The following NRG3 variants were observed in gnomAD, a reference collection of about 807,000 sequenced individuals.
NRG3 encodes neuregulin 3, also known as pro-neuregulin-3, membrane-bound isoform.
Under a neutral mutation model 66.9 loss-of-function variants are expected in NRG3, and 31 were observed. That is an observed-to-expected ratio of 0.46 (90% confidence interval 0.35 to 0.63). The LOEUF is 0.63. Ranked by LOEUF, NRG3 falls within the 20% of genes least tolerant of loss-of-function variation. The pLI is 0.00. For synonymous variants in NRG3, 393 were observed against 359.4 expected, an observed-to-expected ratio of 1.09 and a Z score of -1.06; for missense variants, 910 against 878.9, an observed-to-expected ratio of 1.04 and a Z score of -0.45.
chr10:82,047,925 C>CA (rs1218051139), intron 1 of NRG3, among the ~76,000 whole-genome samples: 1 of 151,642 alleles, frequency 6.6e-6, no homozygotes. Flanking sequence ...AAATGGAAAA[C>CA]AAAAAAAGGC....
At chr10:82,136,105 G>A (rs563313803) in intron 1 of NRG3, among the ~76,000 whole-genome samples, 22 of 152,266 alleles carry the variant, frequency 1.4e-4, no homozygotes, top group African/African-American at 5.3e-4. Context: ...GATTCACAGA[G>A]GTAGTGCCTT....
intron 1 of NRG3, among the ~76,000 whole-genome samples, chr10:82,070,959 G>A (rs570740343): frequency 1.3e-5 from 2 of 152,202 alleles, no homozygotes; most frequent in South Asian, 2.1e-4. Flanking sequence ...AGAATACTTG[G>A]ACATGTATGC....
chr10:81,913,395 C>T (rs546648323), intron 1 of NRG3, among the ~76,000 whole-genome samples: 5 of 152,070 alleles, frequency 3.3e-5, no homozygotes, highest in Middle Eastern at 3.4e-3. Context: ...TGTTCTTACC[C>T]AGCACCATAC....
intron 1 of NRG3, among the ~76,000 whole-genome samples, chr10:82,068,692 C>A (rs1282801169): frequency 2.0e-5 from 3 of 151,870 alleles, no homozygotes; most frequent in African/African-American, 7.3e-5. Context: ...CCAGAGGGAG[C>A]GGGCAGGGAA....
chr10:82,318,371 C>T (rs1320465915), intron 1 of NRG3, among the ~76,000 whole-genome samples: 4 of 152,128 alleles, frequency 2.6e-5, no homozygotes, highest in Non-Finnish European at 4.4e-5. Flanking sequence ...TCCACATTCC[C>T]TGTGATGTAT....
At chr10:82,979,431 A>T (rs542412810) in intron 8 of NRG3, among the ~76,000 whole-genome samples, 1 of 152,198 alleles carries the variant, frequency 6.6e-6, no homozygotes, top group African/African-American at 2.4e-5. Context: ...TAAAAAATCA[A>T]AGGAGGATTA....
intron 2 of NRG3, among the ~76,000 whole-genome samples, chr10:82,502,985 G>T (rs976300068): frequency 9.2e-5 from 14 of 152,124 alleles, no homozygotes; most frequent in African/African-American, 3.1e-4. Flanking sequence ...CTGATATGTT[G>T]TGAAGAGTAT....
intron 2 of NRG3, among the ~76,000 whole-genome samples, chr10:82,732,862 C>T (rs1435785041): frequency 6.6e-6 from 1 of 152,166 alleles, no homozygotes; most frequent in Non-Finnish European, 1.5e-5. Flanking sequence ...CAAGGACTGA[C>T]ACTGAGGCTG....
At chr10:82,627,893 A>G (rs1427005666) in intron 2 of NRG3, among the ~76,000 whole-genome samples, 2 of 152,200 alleles carry the variant, frequency 1.3e-5, no homozygotes, top group East Asian at 1.9e-4. Context: ...AACACCATTC[A>G]TTGTTTACCA....
At chr10:82,827,987 G>A (rs1169565036) in intron 3 of NRG3, among the ~76,000 whole-genome samples, 1 of 151,880 alleles carries the variant, frequency 6.6e-6, no homozygotes, top group Non-Finnish European at 1.5e-5. Context: ...TTTAGATTCT[G>A]TCATACCAGA....
intron 1 of NRG3, among the ~76,000 whole-genome samples, chr10:82,103,795 G>A (rs926731135): frequency 2.6e-5 from 4 of 152,014 alleles, no homozygotes; most frequent in African/African-American, 2.4e-5. Flanking sequence ...TTACGTGCCT[G>A]GGCTGCCACT....
At chr10:82,520,215 G>C (rs139454997) in intron 2 of NRG3, among the ~76,000 whole-genome samples, 1 of 150,050 alleles carries the variant, frequency 6.7e-6, no homozygotes, top group Non-Finnish European at 1.5e-5. Context: ...TCAGTGTATG[G>C]AATAAGATGA....
chr10:82,322,523 A>G (rs184962958), intron 1 of NRG3, among the ~76,000 whole-genome samples: 10 of 152,040 alleles, frequency 6.6e-5, no homozygotes, highest in Non-Finnish European at 1.5e-4. Flanking sequence ...TAAAAGGATT[A>G]TGTTCCATAT....
rs75891079 is a variant in NRG3, at chr10:82,949,772, G to A, written c.1055-1697G>A. 1.0e-3 allele frequency among the ~76,000 whole-genome samples: 156 copies of A among 151,986 alleles called. 2 individuals carry two copies. In the East Asian group the frequency reaches 0.028, roughly 27 times the overall value. ...TGGGAGGCTGAAGCAGGAGGATCAC[G>A]TGAACCCAGGAGGAAGAGGTTGCAG... On this transcript the variant is annotated intron_variant, in intron 4 of 8. Coordinates refer to ENST00000372141, the MANE Select transcript of NRG3 (RefSeq NM_001010848.4).
At chr10:82,041,613 C>T (rs2063038857) in intron 1 of NRG3, among the ~76,000 whole-genome samples, 1 of 151,974 alleles carries the variant, frequency 6.6e-6, no homozygotes, top group Non-Finnish European at 1.5e-5. Context: ...GTTGTTTTTG[C>T]TTTGGTCAGG....
intron 2 of NRG3, among the ~76,000 whole-genome samples, chr10:82,681,124 T>TA (rs1444541311): frequency 1.3e-5 from 2 of 152,150 alleles, no homozygotes; most frequent in Admixed American, 6.5e-5. Flanking sequence ...TGACTTGTGA[T>TA]AAAAAATCAT....
intron 2 of NRG3, among the ~76,000 whole-genome samples, chr10:82,507,548 G>T (rs1844798453): frequency 6.6e-6 from 1 of 152,200 alleles, no homozygotes; most frequent in Admixed American, 6.5e-5. Flanking sequence ...TGTAGCTGGA[G>T]TGTGTCTGTG....
chr10:81,920,830 T>G (rs1846187754), intron 1 of NRG3, among the ~76,000 whole-genome samples: 1 of 152,134 alleles, frequency 6.6e-6, no homozygotes, highest in Non-Finnish European at 1.5e-5. Context: ...TCAGTAACAT[T>G]TTTTACAATC....
chr10:82,523,536 G>A (rs529596445), intron 2 of NRG3, among the ~76,000 whole-genome samples: 122 of 151,760 alleles, frequency 8.0e-4, no homozygotes, highest in Admixed American at 2.2e-3. Flanking sequence ...GGTGAATATC[G>A]ATTCATATCC....
Sources: gnomAD v4.1 joint callset for allele counts (sites outside exome capture counted in the v4.1 genomes callset) on GRCh38, gnomAD v4.1.1 for gene constraint, MANE v1.5 for transcripts, NCBI Gene and HGNC (gene_info 2026-07-23, HGNC 2026-07-21) for gene names.